The following ACTL7A variants were observed in gnomAD, a reference collection of about 807,000 sequenced individuals.
ACTL7A encodes the protein actin like 7A, also known as actin-like protein 7A.
Under a neutral mutation model 30.3 loss-of-function variants are expected in ACTL7A, and 27 were observed. That is an observed-to-expected ratio of 0.89 (90% CI 0.66 to 1.23). ACTL7A has a LOEUF of 1.23. ACTL7A is among the 50% of genes most tolerant of loss of function. ACTL7A has a pLI of 0.00. For synonymous variants in ACTL7A, 259 were observed against 241.4 expected (o/e 1.07, Z -0.67); for missense variants, 566 against 571.8 (o/e 0.99, Z 0.10).
chr9:108,862,737 A>G lies in ACTL7A; in HGVS notation c.415A>G (p.Ile139Val). ...LKLVNPLRHG[I>V]IVDWDTVQDI... ...GCTGGTTAACCCTCTGCGACATGGC[A>G]TCATCGTGGACTGGGATACAGTGCA... Residue 139 changes from isoleucine to valine, a missense_variant, in exon 1 of 1, where the codon ATC becomes GTC. Physicochemically the swap from Ile to Val is conservative, Grantham distance 29. Transcript: ENST00000333999. 6.2e-7 allele frequency: 1 copy of G among 1,614,216 alleles called. No individual in the cohort carries two copies.
At position 108,863,417 on chromosome 9, in the gene ACTL7A, G is replaced by A. The variant is rs114738906; in HGVS notation, c.1095G>A (p.Thr365=). Residue 365 remains threonine (T), a synonymous_variant, in exon 1 of 1, where the codon ACG becomes ACA. Coordinates refer to ENST00000333999, the MANE Select transcript of ACTL7A (RefSeq NM_006687.4). ...ACATCCTGCTCTGCGGGGGCAGCAC[G>A]ATGCTCAGTGGCTTCCCTAACCGTC... ...MGNILLCGGS[T]MLSGFPNRLQ... 2.1e-4 allele frequency: 341 copies of A among 1,614,174 alleles called. 2 individuals carry two copies. The African/African-American group carries it at 4.1e-3, about 19-fold the overall frequency.
At position 108,862,508 on chromosome 9, in the gene ACTL7A, G is replaced by A. The variant is rs929626036; in HGVS notation, c.186G>A (p.Glu62=). The A allele has an allele frequency of 1.2e-6, 2 of 1,613,960 alleles. No individual in the cohort carries two copies. Among genetic ancestry groups the A allele is most frequent in the African/African-American group, 2.7e-5 (2 of 74,914 alleles). ...QEPTESKAAK[E]RPKQEVTKAV... is the part of the protein sequence containing the mutation. Reference sequence around the variant, plus strand: ...CTACTGAATCAAAGGCAGCCAAGGAGAGGCCCAAGCAGGAGGTGACCAAAG... The same window carrying A: ...CTACTGAATCAAAGGCAGCCAAGGAAAGGCCCAAGCAGGAGGTGACCAAAG... Residue 62 remains glutamate (E), a synonymous_variant, in exon 1 of 1, where the codon GAG becomes GAA. Transcript: ENST00000333999.
Position 108,862,602 on chromosome 9 carries a change from A to C in ACTL7A, c.280A>C (p.Lys94Gln). Residue 94 changes from lysine to glutamine, a missense_variant, in exon 1 of 1, where the codon AAG becomes CAG. Physicochemically the swap from Lys to Gln is moderately conservative, Grantham distance 53. Transcript: ENST00000333999. ...TGCCGGCCTGCCAAGACCCACCCAC[A>C]AGATCTCAACAACGGTGGGCAAGCC... is the stretch of plus-strand genomic sequence containing the variant. ...GFAGLPRPTH[K>Q]ISTTVGKPYM... 6.2e-7 allele frequency: 1 copy of C among 1,614,192 alleles called. No homozygotes were observed. Among genetic ancestry groups the C allele is most frequent in the Non-Finnish European group, 8.5e-7 (1 of 1,180,034 alleles).
In ACTL7A at chr9:108,863,552, G is replaced by A; in HGVS notation, c.1230G>A (p.Gln410=). The A allele has an allele frequency of 6.2e-7, 1 of 1,614,192 alleles. No homozygotes were observed. The highest frequency in any genetic ancestry group is 2.2e-5 in the East Asian group (1 of 44,874). The change falls in exon 1 of 1, where the codon CAG becomes CAA. Residue 410 remains glutamine, a synonymous_variant. Transcript: ENST00000333999. ...WTGGSILASL[Q]GFQPLWVHRF... ...GTGGCTCCATCCTGGCCTCACTTCA[G>A]GGTTTCCAACCATTGTGGGTCCACC...
chr9:108,862,791 G>A lies in ACTL7A; in HGVS notation c.469G>A (p.Glu157Lys). 2.5e-6 allele frequency: 4 copies of A among 1,614,214 alleles called. No individual in the cohort carries two copies. Among genetic ancestry groups the A allele is most frequent in the Non-Finnish European group, 3.4e-6 (4 of 1,180,048 alleles). The change falls in exon 1 of 1, where the codon GAG becomes AAG. Residue 157 changes from glutamate (E) to lysine (K), a missense_variant. Coordinates refer to ENST00000333999, the MANE Select transcript of ACTL7A (RefSeq NM_006687.4). ...QDIWEYLFRQEMKIAPEEHAV... is the reference protein window; with the variant it reads ...QDIWEYLFRQKMKIAPEEHAV... ...TATCTGGGAATATCTCTTCCGACAA[G>A]AGATGAAGATCGCCCCGGAGGAGCA... is the stretch of plus-strand genomic sequence containing the variant.
chr9:108,863,098 G>A lies in ACTL7A; in HGVS notation c.776G>A (p.Ser259Asn), dbSNP rs1827193261. 1.9e-6 allele frequency: 3 copies of A among 1,614,052 alleles called. No individual in the cohort carries two copies. The highest frequency in any genetic ancestry group is 2.5e-6 in the Non-Finnish European group (3 of 1,180,028). The change falls in exon 1 of 1, where the codon AGT (serine) becomes AAT (asparagine). Residue 259 changes from serine (S) to asparagine (N), a missense_variant. Coordinates refer to ENST00000333999, the MANE Select transcript of ACTL7A (RefSeq NM_006687.4). ...LTAYLLGLLN[S>N]AGNEFTQDQM... ...GCCTACCTGCTGGGCCTGCTGAACA[G>A]TGCGGGGAACGAATTCACCCAGGAC... is the stretch of plus-strand genomic sequence containing the variant.
rs1035904912 is a variant in ACTL7A, at chr9:108,863,550, C to A, written c.1228C>A (p.Gln410Lys). Residue 410 changes from glutamine (Q) to lysine (K), a missense_variant, in exon 1 of 1, where the codon CAG becomes AAG. Transcript: ENST00000333999. The part of the protein sequence containing the change: ...WTGGSILASL[Q>K]GFQPLWVHRF... Reference sequence around the variant, plus strand: ...CGGTGGCTCCATCCTGGCCTCACTTCAGGGTTTCCAACCATTGTGGGTCCA... The same window carrying A: ...CGGTGGCTCCATCCTGGCCTCACTTAAGGGTTTCCAACCATTGTGGGTCCA... 1 of 1,614,060 alleles carries A rather than the reference C, an allele frequency of 6.2e-7. No homozygotes were observed.
At position 108,862,580 on chromosome 9, in the gene ACTL7A, C is replaced by T. The variant is rs890836046; in HGVS notation, c.258C>T (p.Ala86=). 9 of 1,614,006 alleles carry T rather than the reference C, an allele frequency of 5.6e-6. No individual in the cohort carries two copies. Among genetic ancestry groups the T allele is most frequent in the African/African-American group, 4.0e-5 (3 of 74,900 alleles). Residue 86 remains alanine, a synonymous_variant, in exon 1 of 1, where the codon GCC becomes GCT. Transcript: ENST00000333999. ...LGTGYCKCGF[A]GLPRPTHKIS... ...CTGGCTACTGTAAATGTGGCTTTGC[C>T]GGCCTGCCAAGACCCACCCACAAGA...
chr9:108,862,309 C>T lies in ACTL7A; in HGVS notation c.-14C>T, dbSNP rs779143807. 18 of 1,593,712 alleles carry T rather than the reference C, an allele frequency of 1.1e-5. No homozygotes were observed. Among genetic ancestry groups the T allele is most frequent in the East Asian group, 6.7e-5 (3 of 44,704 alleles). On this transcript the variant is annotated 5_prime_UTR_variant, in exon 1 of 1. Coordinates refer to ENST00000333999, the MANE Select transcript of ACTL7A (RefSeq NM_006687.4). ...GATTGAGAACTTTCTAAGAGTGGTGCGGCTCTTGACAACATGTGGGCTCCA... is the reference window on the plus strand; with the variant it reads ...GATTGAGAACTTTCTAAGAGTGGTGTGGCTCTTGACAACATGTGGGCTCCA...
At position 108,863,601 on chromosome 9, in the gene ACTL7A, C is replaced by A. The variant is rs1349666432; in HGVS notation, c.1279C>A (p.Pro427Thr). The change falls in exon 1 of 1, where the codon CCT becomes ACT. Residue 427 changes from proline to threonine, a missense_variant. Pro to Thr is a conservative substitution (Grantham distance 38). Transcript: ENST00000333999. ...CCGCTTTGAGTACGAGGAACACGGG[C>A]CTTTCTTCCTCTACAGAAGGTGCTT... ...VHRFEYEEHG[P>T]FFLYRRCF 1.2e-6 allele frequency: 2 copies of A among 1,611,982 alleles called. No individual in the cohort carries two copies. The highest frequency in any genetic ancestry group is 2.7e-5 in the African/African-American group (2 of 75,038).
rs753997762 is a variant in ACTL7A at position 108,863,032 on chromosome 9, G to A, written c.710G>A (p.Ser237Asn). 6.2e-7 allele frequency: 1 copy of A among 1,613,768 alleles called. No individual in the cohort carries two copies. Among genetic ancestry groups the A allele is most frequent in the South Asian group, 1.1e-5 (1 of 91,064 alleles). The change falls in exon 1 of 1, where the codon AGC becomes AAC. Residue 237 changes from serine (S) to asparagine (N), a missense_variant. Ser to Asn is a conservative substitution (Grantham distance 46). Coordinates refer to ENST00000333999, the MANE Select transcript of ACTL7A (RefSeq NM_006687.4). ...VPIYEGYPLP[S>N]ITGRLDYAGS... is the part of the protein sequence containing the mutation. ...ATCTACGAGGGTTATCCTTTGCCCA[G>A]CATCACCGGAAGGCTGGACTACGCG...
Position 108,863,716 on chromosome 9 carries a change from C to A in ACTL7A, c.*86C>A. 7.6e-7 allele frequency: 1 copy of A among 1,318,898 alleles called. No individual in the cohort carries two copies. The highest frequency in any genetic ancestry group is 1.5e-5 in the South Asian group (1 of 68,168). 81.7% of individuals were successfully genotyped at this position (1,318,898 alleles called of 1,614,324 possible). A position where few individuals can be genotyped will look rare whatever the true frequency, so the allele number is the denominator to read the frequency against. ...CTACACACAGGGGGTGGAGCCGGCGCTTATTCCTGTAGCATTAAACACCCC... is the reference window on the plus strand; with the variant it reads ...CTACACACAGGGGGTGGAGCCGGCGATTATTCCTGTAGCATTAAACACCCC... On this transcript the variant is annotated 3_prime_UTR_variant, in exon 1 of 1. Transcript: ENST00000333999.
rs751656468 is a variant in ACTL7A, at chr9:108,862,459, A to G, written c.137A>G (p.His46Arg). 5.0e-6 allele frequency: 8 copies of G among 1,614,136 alleles called. No homozygotes were observed. The South Asian group carries it at 8.8e-5, about 18-fold the overall frequency. ...GCGAAGCGGGCCGTGTGGGTCCGCC[A>G]TACGAGTTCAGAGCCACAAGAACCT... ...GPAKRAVWVRHTSSEPQEPTE... is the reference protein window; with the variant it reads ...GPAKRAVWVRRTSSEPQEPTE... The change falls in exon 1 of 1, where the codon CAT becomes CGT. Residue 46 changes from histidine to arginine, a missense_variant. By Grantham distance (29) the His-to-Arg change is conservative. Coordinates refer to ENST00000333999, the MANE Select transcript of ACTL7A (RefSeq NM_006687.4).
In ACTL7A at chr9:108,862,349, G is replaced by A; in HGVS notation, c.27G>A (p.Met9Ile). 6.2e-7 allele frequency: 1 copy of A among 1,612,264 alleles called. No homozygotes were observed. The highest frequency in any genetic ancestry group is 1.1e-5 in the South Asian group (1 of 90,970). MWAPPAAI[M>I]GDGPTKKVGN... The stretch of plus-strand genomic sequence containing the variant: ...TGTGGGCTCCACCAGCAGCAATCAT[G>A]GGGGATGGGCCCACCAAGAAGGTGG... Residue 9 changes from methionine (M) to isoleucine (I), a missense_variant, in exon 1 of 1, where the codon ATG becomes ATA. Transcript: ENST00000333999.
In ACTL7A at chr9:108,862,859, CAGAG is replaced by C. The variant is rs1205163843; in HGVS notation, c.541_544del (p.Glu181AsnfsTer68). Reference sequence around the variant, plus strand: ...ACCCGCCACTGAGCCCACACACCAACAGAGAGAAATATGCTGAAATGCTGTTTGA... The same window carrying C: ...ACCCGCCACTGAGCCCACACACCAACAGAAATATGCTGAAATGCTGTTTGA... On this transcript the variant is annotated frameshift_variant, in exon 1 of 1. Coordinates refer to ENST00000333999, the MANE Select transcript of ACTL7A (RefSeq NM_006687.4). LOFTEE classifies it high-confidence loss of function. 1 of 1,613,820 alleles carries C rather than the reference CAGAG, an allele frequency of 6.2e-7. No individual in the cohort carries two copies. Among genetic ancestry groups the C allele is most frequent in the Non-Finnish European group, 8.5e-7 (1 of 1,179,830 alleles).
Position 108,863,333 on chromosome 9 carries a change from C to A in ACTL7A, c.1011C>A (p.Thr337=). ...AGTCCATGCAGCTGGGCCTCCACACCCAAACCGTGTCCTGCCTTAACAAGT... is the reference window on the plus strand; with the variant it reads ...AGTCCATGCAGCTGGGCCTCCACACACAAACCGTGTCCTGCCTTAACAAGT... ...LIKSMQLGLH[T]QTVSCLNKCD... is the part of the protein sequence containing the mutation. The change falls in exon 1 of 1, where the codon ACC becomes ACA. Residue 337 remains threonine (T), a synonymous_variant. Transcript: ENST00000333999. The A allele has an allele frequency of 6.2e-7, 1 of 1,614,158 alleles. No individual in the cohort carries two copies. The highest frequency in any genetic ancestry group is 1.1e-5 in the South Asian group (1 of 91,076).
At position 108,862,808 on chromosome 9, in the gene ACTL7A, G is replaced by T; in HGVS notation, c.486G>T (p.Pro162=). The T allele has an allele frequency of 6.2e-7, 1 of 1,614,058 alleles. No individual in the cohort carries two copies. The highest frequency in any genetic ancestry group is 8.5e-7 in the Non-Finnish European group (1 of 1,180,020). The change falls in exon 1 of 1, where the codon CCG becomes CCT. Residue 162 remains proline (P), a synonymous_variant. Coordinates refer to ENST00000333999, the MANE Select transcript of ACTL7A (RefSeq NM_006687.4). ...YLFRQEMKIA[P]EEHAVLVSDP... ...TCCGACAAGAGATGAAGATCGCCCC[G>T]GAGGAGCATGCGGTCTTGGTTTCAG...
Position 108,863,370 on chromosome 9 carries a change from C to T in ACTL7A, c.1048C>T (p.Leu350Phe). ...CTGCCTTAACAAGTGTGACATCGCC[C>T]TCAAACGGGACCTCATGGGGAACAT... is the stretch of plus-strand genomic sequence containing the variant. ...VSCLNKCDIA[L>F]KRDLMGNILL... The change falls in exon 1 of 1, where the codon CTC becomes TTC. Residue 350 changes from leucine (L) to phenylalanine (F), a missense_variant. Leu to Phe is a conservative substitution (Grantham distance 22). Transcript: ENST00000333999. 1 of 1,614,224 alleles carries T rather than the reference C, an allele frequency of 6.2e-7. No homozygotes were observed. The highest frequency in any genetic ancestry group is 1.1e-5 in the South Asian group (1 of 91,084).
In ACTL7A at chr9:108,862,914, A is replaced by G. The variant is rs529306263; in HGVS notation, c.592A>G (p.Ile198Val). 1.9e-6 allele frequency: 3 copies of G among 1,611,292 alleles called. No individual in the cohort carries two copies. Among genetic ancestry groups the G allele is most frequent in the Non-Finnish European group, 2.5e-6 (3 of 1,178,386 alleles). The change falls in exon 1 of 1, where the codon ATC (isoleucine) becomes GTC (valine). Residue 198 changes from isoleucine to valine, a missense_variant. Ile to Val is a conservative substitution (Grantham distance 29). Coordinates refer to ENST00000333999, the MANE Select transcript of ACTL7A (RefSeq NM_006687.4). ...AGCCTTCAACACCCCTGCAATGCAC[A>G]TCGCCTACCAGTCGCGCCTGTCCAT... Reference protein sequence around the residue: ...FEAFNTPAMHIAYQSRLSMYS... With the variant: ...FEAFNTPAMHVAYQSRLSMYS...
Sources: allele counts gnomAD v4.1 joint callset, GRCh38; gene constraint gnomAD v4.1.1; transcripts MANE v1.5; gene names NCBI Gene and HGNC (gene_info 2026-07-23, HGNC 2026-07-21).